The following LRP6 variants were observed in gnomAD, a reference collection of about 807,000 sequenced individuals.
The protein encoded by LRP6 is low-density lipoprotein receptor-related protein 6.
Under a neutral mutation model 184.1 loss-of-function variants are expected in LRP6, and 43 were observed. The observed-to-expected ratio is 0.23, with a 90% CI of 0.18 to 0.30. The LOEUF (loss-of-function observed/expected upper bound fraction) is 0.30, where lower values mean the gene tolerates loss of function less well. LRP6 is among the 10% of genes least tolerant of loss of function. The pLI is 1.00. For missense variants in LRP6, 1,571 were observed against 2,005.3 expected (o/e 0.78, Z 4.14); for synonymous variants, 719 against 684.9 (o/e 1.05, Z -0.78).
Position 12,181,443 on chromosome 12 carries a change from G to A in LRP6, c.977-4C>T, listed in dbSNP as rs1333558217. 1 of 1,099,018 alleles carries A rather than the reference G, an allele frequency of 9.1e-7. No individual in the cohort carries two copies. The highest frequency in any genetic ancestry group is 1.5e-5 in the African/African-American group (1 of 65,448). The allele number at this position is 1,099,018 out of a possible 1,614,324, so 68.1% of individuals were successfully genotyped here. On this transcript the variant is annotated splice_polypyrimidine_tract_variant and splice_region_variant and intron_variant, in intron 5 of 22. Coordinates refer to ENST00000261349, the MANE Select transcript of LRP6 (RefSeq NM_002336.3). ...AAAAGCAATAATTCTGTGGCACCTA[G>A]AACAACAAAGTGAAATGAAGAATAC... is the stretch of plus-strand genomic sequence containing the variant.
chr12:12,134,603 G>T (rs897737974), intron 17 of LRP6, among the ~76,000 whole-genome samples: 2 of 151,984 alleles, frequency 1.3e-5, no homozygotes, highest in Non-Finnish European at 2.9e-5. Flanking sequence ...AGAAGCAACA[G>T]GAATTTGCTG....
intron 1 of LRP6, among the ~76,000 whole-genome samples, chr12:12,253,789 A>T (rs1410322380): frequency 6.6e-6 from 1 of 152,010 alleles, no homozygotes; most frequent in Non-Finnish European, 1.5e-5. Context: ...GTTTTACTCT[A>T]ATGCTTCCCT....
rs1413520605 is a variant in LRP6, at chr12:12,232,342, C to T, written c.449+11920G>A. 2.0e-5 allele frequency among the ~76,000 whole-genome samples: 3 copies of T among 150,864 alleles called. No homozygotes were observed. The East Asian group carries it at 5.8e-4, about 29-fold the overall frequency. Reference sequence around the variant, plus strand: ...GAGCCTGCAGTGAGCCGAGATCGTACCACTGCACTCCAGCCTGGGCGACAG... The same window carrying T: ...GAGCCTGCAGTGAGCCGAGATCGTATCACTGCACTCCAGCCTGGGCGACAG... On this transcript the variant is annotated intron_variant, in intron 2 of 22. Coordinates refer to ENST00000261349, the MANE Select transcript of LRP6 (RefSeq NM_002336.3).
chr12:12,126,198 T>C (rs1283830266), intron 20 of LRP6, among the ~76,000 whole-genome samples: 2 of 152,246 alleles, frequency 1.3e-5, no homozygotes, highest in Non-Finnish European at 2.9e-5. Context: ...ATGCCTAAAC[T>C]AGCCCTTTGT....
chr12:12,157,070 CTA>C (rs1419547856), intron 12 of LRP6, among the ~76,000 whole-genome samples: 7 of 152,214 alleles, frequency 4.6e-5, no homozygotes, highest in Non-Finnish European at 7.3e-5. Context: ...CCCACAAAGC[CTA>C]TGAGAGAAAG....
At chr12:12,212,885 T>C (rs998120865) in intron 2 of LRP6, among the ~76,000 whole-genome samples, 9 of 152,228 alleles carry the variant, frequency 5.9e-5, no homozygotes, top group African/African-American at 1.9e-4. Context: ...TCTTGAGAAT[T>C]AGAACTTATC....
intron 22 of LRP6, among the ~76,000 whole-genome samples, chr12:12,123,690 G>C (rs765389621): frequency 6.6e-6 from 1 of 152,174 alleles, no homozygotes; most frequent in African/African-American, 2.4e-5. Context: ...AACAGTACTT[G>C]ACCTGCTCAA....
intron 7 of LRP6, among the ~76,000 whole-genome samples, chr12:12,176,469 C>A (rs1383484171): frequency 1.3e-5 from 2 of 152,286 alleles, no homozygotes; most frequent in Middle Eastern, 3.4e-3. Context: ...TAGCAATGCC[C>A]TACGCTCAAT....
At chr12:12,240,573 A>AAAAT (rs910369834) in intron 2 of LRP6, among the ~76,000 whole-genome samples, 11 of 152,274 alleles carry the variant, frequency 7.2e-5, no homozygotes, top group East Asian at 1.9e-4. Context: ...CTCCATCTCA[A>AAAAT]AAATAAATAA....
intron 12 of LRP6, among the ~76,000 whole-genome samples, chr12:12,153,544 C>A (rs1156962543): frequency 6.6e-6 from 1 of 152,080 alleles, no homozygotes; most frequent in African/African-American, 2.4e-5. Context: ...CAAATAAATA[C>A]CTGCTCCAAA....
chr12:12,224,967 G>C (rs994294722), intron 2 of LRP6, among the ~76,000 whole-genome samples: 25 of 152,158 alleles, frequency 1.6e-4, no homozygotes, highest in African/African-American at 5.8e-4. Flanking sequence ...CACTTTAGGA[G>C]GCCCAGGCAG....
At chr12:12,258,658 C>T (rs1865533277) in intron 1 of LRP6, among the ~76,000 whole-genome samples, 3 of 152,124 alleles carry the variant, frequency 2.0e-5, no homozygotes, top group Admixed American at 1.3e-4. Context: ...TAGAAGGTTA[C>T]AAATAAAGAC....
chr12:12,261,313 G>A (rs896940136), intron 1 of LRP6, among the ~76,000 whole-genome samples: 4 of 151,208 alleles, frequency 2.6e-5, no homozygotes, highest in Admixed American at 6.6e-5. Context: ...TGAGGCAGGA[G>A]AATGGCGTGA....
At chr12:12,236,055 T>C (rs1173868898) in intron 2 of LRP6, among the ~76,000 whole-genome samples, 2 of 151,948 alleles carry the variant, frequency 1.3e-5, no homozygotes, top group Admixed American at 1.3e-4. Flanking sequence ...TGAAACCCCG[T>C]CTCTACTGAA....
At chr12:12,145,624 C>CTTTTTTT (rs1157764946) in intron 15 of LRP6, among the ~76,000 whole-genome samples, 46 of 80,298 alleles carry the variant, frequency 5.7e-4, no homozygotes, top group African/African-American at 7.8e-4. Flanking sequence ...TTTTCTTTTT[C>CTTTTTTT]TTTTTTTTTT....
At chr12:12,244,685 G>T in intron 1 of LRP6, 30 bp from the exon 2 acceptor site, 1 of 1,608,228 alleles carries the variant, frequency 6.2e-7, no homozygotes, top group South Asian at 1.1e-5. Flanking sequence ...ATATGTAAGT[G>T]AAAAGGAAGA....
At chr12:12,153,484 G>C (rs539725301) in intron 12 of LRP6, among the ~76,000 whole-genome samples, 1 of 152,186 alleles carries the variant, frequency 6.6e-6, no homozygotes, top group Non-Finnish European at 1.5e-5. Context: ...AATTAGTTGT[G>C]GATCTTGTTG....
In LRP6 at chr12:12,138,314, T is replaced by G. The variant is rs1273157792; in HGVS notation, c.3607+11A>C. 1 of 1,604,356 alleles carries G rather than the reference T, an allele frequency of 6.2e-7. No individual in the cohort carries two copies. Among genetic ancestry groups the G allele is most frequent in the Non-Finnish European group, 8.5e-7 (1 of 1,171,052 alleles). ...GATTCCTCCAATTAGCTTTATCCCATTAACACTTACTGTATTCTTGAAGGT... is the reference window on the plus strand; with the variant it reads ...GATTCCTCCAATTAGCTTTATCCCAGTAACACTTACTGTATTCTTGAAGGT... On this transcript the variant is annotated intron_variant, in intron 16 of 22. Coordinates refer to ENST00000261349, the MANE Select transcript of LRP6 (RefSeq NM_002336.3).
At chr12:12,198,983 T>C (rs1181717836) in intron 3 of LRP6, among the ~76,000 whole-genome samples, 1 of 152,166 alleles carries the variant, frequency 6.6e-6, no homozygotes, top group Non-Finnish European at 1.5e-5. Flanking sequence ...AGCTACACAA[T>C]GCATCTCATC....
Sources: gnomAD v4.1 joint callset for allele counts (sites outside exome capture counted in the v4.1 genomes callset) on GRCh38, gnomAD v4.1.1 for gene constraint, MANE v1.5 for transcripts, NCBI Gene and HGNC (gene_info 2026-07-23, HGNC 2026-07-21) for gene names.